Variants in EPHA5 observed in about 807,000 individuals in gnomAD.
EPHA5 encodes the protein ephrin type-A receptor 5.
A neutral mutation model predicts 105.0 loss-of-function variants in EPHA5; 60 were observed. The ratio of observed to expected loss-of-function variants is 0.57; its 90% CI spans 0.46 to 0.71. EPHA5 has a LOEUF of 0.71. Among genes scored for constraint, EPHA5 ranks in the 30% least tolerant of loss-of-function variants. The probability of loss-of-function intolerance (pLI) is 0.00; values close to 1 mark genes in which losing one functional copy is unlikely to be tolerated. For missense variants in EPHA5, 1,218 were observed against 1,274.7 expected (o/e 0.96, Z 0.68); for synonymous variants, 513 against 449.1 (o/e 1.14, Z -1.80).
chr4:65,395,884 T>C (rs899360247), intron 8 of EPHA5, among the ~76,000 whole-genome samples: 10 of 152,218 alleles, frequency 6.6e-5, no homozygotes, highest in Non-Finnish European at 1.0e-4. Flanking sequence ...GAATGACCAC[T>C]GCAAAGGCAC....
At chr4:65,346,602 T>C (rs1231141931) in intron 14 of EPHA5, among the ~76,000 whole-genome samples, 1 of 152,040 alleles carries the variant, frequency 6.6e-6, no homozygotes, top group African/African-American at 2.4e-5. Flanking sequence ...CCAAAAGCAA[T>C]GGCAACAAAA....
chr4:65,630,276 G>A (rs1436628584), intron 2 of EPHA5, among the ~76,000 whole-genome samples: 3 of 152,112 alleles, frequency 2.0e-5, no homozygotes, highest in Non-Finnish European at 2.9e-5. Flanking sequence ...AGTTGGGCGG[G>A]TGGGCTCAAG....
intron 2 of EPHA5, among the ~76,000 whole-genome samples, chr4:65,605,660 A>G (rs566964140): frequency 1.3e-5 from 2 of 152,198 alleles, no homozygotes; most frequent in Admixed American, 1.3e-4. Context: ...TTCTATATCG[A>G]GAGTGATCTA....
In EPHA5 at chr4:65,445,438, A is replaced by G. The variant is rs1726423687; in HGVS notation, c.1403-24873T>C. Among the ~76,000 whole-genome samples, 9 of 152,300 alleles carry G rather than the reference A, an allele frequency of 5.9e-5. No individual in the cohort carries two copies. In the South Asian group the frequency reaches 1.9e-3, roughly 32 times the overall value. ...GCCTAGTTCAAAGCAAATGATGAAT[A>G]GCTGGAAGCCTTCAAATATTGCTTC... On this transcript the variant is annotated intron_variant, in intron 5 of 16. Transcript: ENST00000613740.
intron 4 of EPHA5, among the ~76,000 whole-genome samples, chr4:65,492,482 G>A (rs1264619567): frequency 2.8e-5 from 4 of 144,498 alleles, no homozygotes; most frequent in East Asian, 4.1e-4. Context: ...GATTACAGAC[G>A]TGAGCCACCG....
At chr4:65,471,644 A>G (rs1729294184) in intron 5 of EPHA5, among the ~76,000 whole-genome samples, 1 of 152,176 alleles carries the variant, frequency 6.6e-6, no homozygotes, top group African/African-American at 2.4e-5. Flanking sequence ...TTTGTCTTGC[A>G]TGGTGGCAGG....
At chr4:65,462,678 C>T (rs62298051) in intron 5 of EPHA5, among the ~76,000 whole-genome samples, 38,533 of 151,942 alleles carry the variant, frequency 0.25, 5,298 homozygotes, top group Middle Eastern at 0.35. Flanking sequence ...GTGGTCTCAA[C>T]GTTCCAAGAA....
intron 2 of EPHA5, among the ~76,000 whole-genome samples, chr4:65,618,402 TAAAAG>T (rs931075887): frequency 2.6e-5 from 4 of 152,130 alleles, no homozygotes; most frequent in African/African-American, 4.8e-5. Flanking sequence ...GAAAAATTTT[TAAAAG>T]AAAAGAAAAA....
intron 3 of EPHA5, among the ~76,000 whole-genome samples, chr4:65,576,351 T>C (rs11728612): frequency 0.06 from 9,121 of 152,260 alleles, 387 homozygotes; most frequent in Admixed American, 0.11. Context: ...AGGTGGAATG[T>C]GCAAATATCG....
chr4:65,404,753 A>T (rs1486815944), intron 7 of EPHA5, among the ~76,000 whole-genome samples: 4 of 152,180 alleles, frequency 2.6e-5, no homozygotes, highest in Admixed American at 2.6e-4. Flanking sequence ...TTTGCATAGT[A>T]TTCATCTAGG....
intron 1 of EPHA5, among the ~76,000 whole-genome samples, chr4:65,652,277 C>G (rs1578695341): frequency 6.6e-6 from 1 of 152,240 alleles, no homozygotes; most frequent in African/African-American, 2.4e-5. Context: ...ATAGAGAATA[C>G]TCATTAGTTC....
chr4:65,329,868 A>T lies in EPHA5; in HGVS notation c.2945+2105T>A, dbSNP rs540398840. Among the ~76,000 whole-genome samples, 107 of 150,564 alleles carry T rather than the reference A, an allele frequency of 7.1e-4. 1 individual carries two copies. Among genetic ancestry groups the T allele is most frequent in the South Asian group, 4.0e-3 (19 of 4,790 alleles). On this transcript the variant is annotated intron_variant, in intron 16 of 16. Transcript: ENST00000613740. ...AATGAACAGATGAACTTTTAAAAAA[A>T]TTTTTTTGACCAAGAAAGTAACTGA...
intron 5 of EPHA5, among the ~76,000 whole-genome samples, chr4:65,476,479 G>A (rs896721014): frequency 6.6e-6 from 1 of 152,100 alleles, no homozygotes; most frequent in Non-Finnish European, 1.5e-5. Context: ...AATTAATGCG[G>A]AACAGAAAAC....
intron 3 of EPHA5, among the ~76,000 whole-genome samples, chr4:65,563,300 A>G (rs1443422097): frequency 6.6e-6 from 1 of 152,052 alleles, no homozygotes; most frequent in African/African-American, 2.4e-5. Flanking sequence ...CACTTATTAG[A>G]TAATATTTAC....
At chr4:65,435,063 C>T (rs36009419) in intron 5 of EPHA5, among the ~76,000 whole-genome samples, 9,493 of 151,944 alleles carry the variant, frequency 0.062, 583 homozygotes, top group African/African-American at 0.16. Flanking sequence ...AGGAATTTGC[C>T]ATTAACTGTC....
At chr4:65,347,943 T>C in intron 14 of EPHA5, 111 bp downstream of exon 14, 1 of 1,123,404 alleles carries the variant, frequency 8.9e-7, no homozygotes, top group East Asian at 2.5e-5. Context: ...GTAAGCAAAG[T>C]ATTTCATTTT....
chr4:65,665,729 C>T (rs939342216), intron 1 of EPHA5, among the ~76,000 whole-genome samples: 2 of 152,010 alleles, frequency 1.3e-5, no homozygotes, highest in South Asian at 4.1e-4. Flanking sequence ...ATCCTCTTAC[C>T]TGTCACCCTA....
At chr4:65,618,980 C>T (rs1427682783) in intron 2 of EPHA5, among the ~76,000 whole-genome samples, 1 of 152,016 alleles carries the variant, frequency 6.6e-6, no homozygotes, top group African/African-American at 2.4e-5. Context: ...AATGGTGAAA[C>T]CCCGTCTCTA....
chr4:65,437,877 A>T (rs991057808), intron 5 of EPHA5, among the ~76,000 whole-genome samples: 5 of 152,122 alleles, frequency 3.3e-5, no homozygotes, highest in South Asian at 4.1e-4. Flanking sequence ...TTAAAAATTT[A>T]AAAAATCATG....
Sources: gnomAD v4.1 joint callset for allele counts (sites outside exome capture counted in the v4.1 genomes callset) on GRCh38, gnomAD v4.1.1 for gene constraint, MANE v1.5 for transcripts, NCBI Gene and HGNC (gene_info 2026-07-23, HGNC 2026-07-21) for gene names.